The following MAF variants were observed in gnomAD, a reference collection of about 807,000 sequenced individuals.
MAF encodes the protein transcription factor Maf.
Under a neutral mutation model 22.0 loss-of-function variants are expected in MAF, and 10 were observed. The observed-to-expected ratio is 0.45, with a 90% CI of 0.28 to 0.77. The LOEUF (loss-of-function observed/expected upper bound fraction) is 0.77. Ranked by LOEUF, MAF falls within the 30% of genes least tolerant of loss-of-function variation. The probability of loss-of-function intolerance (pLI) is 0.12; values close to 1 mark genes in which losing one functional copy is unlikely to be tolerated. For missense variants in MAF, 544 were observed against 548.4 expected (o/e 0.99, Z 0.08); for synonymous variants, 337 against 255.8 (o/e 1.32, Z -3.03).
chr16:79,369,779 T>A, the MAF span, among the ~76,000 whole-genome samples: 1 of 152,248 alleles, frequency 6.6e-6, no homozygotes, highest in Non-Finnish European at 1.5e-5. Context: ...GTTCAAGGCT[T>A]GGCATGCAGT....
the MAF span, among the ~76,000 whole-genome samples, chr16:79,423,291 A>G: frequency 6.6e-6 from 1 of 152,146 alleles, no homozygotes; most frequent in African/African-American, 2.4e-5. Context: ...AGGGCTCAGC[A>G]AGGACCAAGG....
At chr16:79,289,867 T>TTTTTTTTTTTTTTTGTTTTTC in the MAF span, among the ~76,000 whole-genome samples, 1 of 118,510 alleles carries the variant, frequency 8.4e-6, no homozygotes. Flanking sequence ...TTTTTTTTTT[T>TTTTTTTTTTTTTTTGTTTTTC]TGTGAGACGG....
At chr16:79,427,448 A>T in the MAF span, among the ~76,000 whole-genome samples, 1 of 152,174 alleles carries the variant, frequency 6.6e-6, no homozygotes, top group South Asian at 2.1e-4. Context: ...GTTGTTACTT[A>T]TTCATTTACT....
chr16:79,532,048 G>C, the MAF span, among the ~76,000 whole-genome samples: 1 of 152,172 alleles, frequency 6.6e-6, no homozygotes, highest in Non-Finnish European at 1.5e-5. Context: ...TAACCAATAA[G>C]AATTGTTAGC....
the MAF span, among the ~76,000 whole-genome samples, chr16:79,526,752 C>T: frequency 2.0e-5 from 3 of 152,146 alleles, no homozygotes; most frequent in East Asian, 5.8e-4. Flanking sequence ...AATACTCCCA[C>T]CATGGACAAT....
chr16:79,541,332 A>C, the MAF span, among the ~76,000 whole-genome samples: 4 of 152,176 alleles, frequency 2.6e-5, no homozygotes, highest in Admixed American at 6.5e-5. Flanking sequence ...CAACTGTCAG[A>C]CTATGCACCT....
At chr16:79,392,330 G>A in the MAF span, among the ~76,000 whole-genome samples, 2 of 149,336 alleles carry the variant, frequency 1.3e-5, no homozygotes, top group East Asian at 4.0e-4. Flanking sequence ...AGGAGGAGGG[G>A]AGAGGAGAGA....
chr16:79,324,025 G>C, the MAF span, among the ~76,000 whole-genome samples: 1 of 152,170 alleles, frequency 6.6e-6, no homozygotes, highest in East Asian at 1.9e-4. Flanking sequence ...CTAAGGGAGG[G>C]ATATTGTTTT....
the MAF span, among the ~76,000 whole-genome samples, chr16:79,345,553 C>A: frequency 2.0e-5 from 3 of 151,540 alleles, no homozygotes; most frequent in African/African-American, 7.3e-5. Flanking sequence ...CATAGTGAAA[C>A]CCTGTCTCTA....
At chr16:79,229,401 C>CCTGTT in the MAF span, 1 of 151,898 alleles carries the variant, frequency 6.6e-6, no homozygotes, top group Non-Finnish European at 1.5e-5. Context: ...AAGAGCTTTC[C>CCTGTT]CTGTTAGCTA....
At chr16:79,442,863 A>G in the MAF span, among the ~76,000 whole-genome samples, 3 of 152,180 alleles carry the variant, frequency 2.0e-5, no homozygotes, top group African/African-American at 7.2e-5. Flanking sequence ...GATCTGGGGA[A>G]ATCTAGTCCT....
At chr16:79,374,660 C>G in the MAF span, among the ~76,000 whole-genome samples, 1 of 152,154 alleles carries the variant, frequency 6.6e-6, no homozygotes, top group Non-Finnish European at 1.5e-5. Context: ...CCAGGGGAGA[C>G]AGGTGCGTAA....
chr16:79,536,761 C>A, the MAF span, among the ~76,000 whole-genome samples: 1 of 152,154 alleles, frequency 6.6e-6, no homozygotes, highest in South Asian at 2.1e-4. Context: ...GAGTAACACC[C>A]GTTTACATAG....
chr16:79,582,026 G>T (rs1180843945), downstream of MAF, among the ~76,000 whole-genome samples: 1 of 152,084 alleles, frequency 6.6e-6, no homozygotes, highest in Non-Finnish European at 1.5e-5. Context: ...AAACAGAGGC[G>T]TGCTGAATTT....
the MAF span, among the ~76,000 whole-genome samples, chr16:79,497,791 T>A: frequency 6.6e-6 from 1 of 152,228 alleles, no homozygotes; most frequent in Non-Finnish European, 1.5e-5. Context: ...AGAGGAAGCC[T>A]CTGAATTTTT....
chr16:79,451,727 G>A, the MAF span, among the ~76,000 whole-genome samples: 52 of 152,130 alleles, frequency 3.4e-4, no homozygotes, highest in African/African-American at 1.1e-3. Context: ...CAACACAGGA[G>A]GAAATAAAGC....
At chr16:79,478,800 T>A in the MAF span, among the ~76,000 whole-genome samples, 1 of 150,664 alleles carries the variant, frequency 6.6e-6, no homozygotes, top group Non-Finnish European at 1.5e-5. Context: ...CATCCTACGA[T>A]ACCTGTGCAC....
At chr16:79,384,660 G>A in the MAF span, among the ~76,000 whole-genome samples, 1 of 152,010 alleles carries the variant, frequency 6.6e-6, no homozygotes, top group Non-Finnish European at 1.5e-5. Flanking sequence ...AGGAGGCTGA[G>A]GCAGGAGAAT....
chr16:79,407,214 G>C, the MAF span, among the ~76,000 whole-genome samples: 3 of 152,246 alleles, frequency 2.0e-5, no homozygotes, highest in East Asian at 5.8e-4. Context: ...ATTAACCTCG[G>C]TGTCCTGGAC....
Sources: allele counts gnomAD v4.1 joint callset (sites outside exome capture counted in the v4.1 genomes callset), GRCh38; gene constraint gnomAD v4.1.1; transcripts MANE v1.5; gene names NCBI Gene and HGNC (gene_info 2026-07-23, HGNC 2026-07-21).